Variants in CTSO observed in about 807,000 individuals in gnomAD.
The protein encoded by CTSO is cathepsin O.
CTSO carries 40 observed loss-of-function variants against 42.4 expected under a neutral mutation model. That is an observed-to-expected ratio of 0.94 (90% confidence interval 0.73 to 1.23). CTSO has a LOEUF of 1.23. CTSO is among the 50% of genes most tolerant of loss of function. The pLI is 0.00. For synonymous variants in CTSO, 156 were observed against 146.2 expected (o/e 1.07, Z -0.48); for missense variants, 441 against 396.0 (o/e 1.11, Z -0.96).
At chr4:155,932,001 T>C (rs1265533464) in intron 5 of CTSO, among the ~76,000 whole-genome samples, 11 of 152,070 alleles carry the variant, frequency 7.2e-5, no homozygotes, top group Admixed American at 7.2e-4. Flanking sequence ...GAATTCAGTG[T>C]GTTATACTGT....
chr4:155,947,682 G>A (rs1176892064), intron 1 of CTSO, among the ~76,000 whole-genome samples: 1 of 151,840 alleles, frequency 6.6e-6, no homozygotes, highest in Admixed American at 6.6e-5. Context: ...TGACTTTTCC[G>A]GTCTCTCTTG....
At chr4:155,941,214 T>C (rs1288656617) in intron 3 of CTSO, among the ~76,000 whole-genome samples, 1 of 152,224 alleles carries the variant, frequency 6.6e-6, no homozygotes, top group Non-Finnish European at 1.5e-5. Context: ...TGTTGAGGTT[T>C]CCACTGCAGA....
chr4:155,935,256 CTG>C (rs1491453469), intron 5 of CTSO, among the ~76,000 whole-genome samples: 1 of 152,168 alleles, frequency 6.6e-6, no homozygotes, highest in Non-Finnish European at 1.5e-5. Flanking sequence ...CCATGTGGAA[CTG>C]TAAGTCCAAT....
chr4:155,940,638 T>C (rs534809155), intron 3 of CTSO, among the ~76,000 whole-genome samples: 1 of 151,564 alleles, frequency 6.6e-6, no homozygotes, highest in South Asian at 2.1e-4. Flanking sequence ...AGGTCAGGAG[T>C]TCAAGACCAG....
intron 5 of CTSO, among the ~76,000 whole-genome samples, chr4:155,931,580 C>T (rs529108720): frequency 4.6e-5 from 7 of 152,164 alleles, no homozygotes; most frequent in Admixed American, 3.9e-4. Context: ...TATCATTTGT[C>T]TTTCAGAAAG....
chr4:155,933,427 A>G (rs11725291), intron 5 of CTSO, among the ~76,000 whole-genome samples: 20,690 of 152,118 alleles, frequency 0.14, 1,657 homozygotes, highest in Non-Finnish European at 0.19. Context: ...GCAGCATGAA[A>G]ATGGACTCAT....
At chr4:155,953,438 T>C (rs992554757) in intron 1 of CTSO, among the ~76,000 whole-genome samples, 1 of 152,180 alleles carries the variant, frequency 6.6e-6, no homozygotes, top group African/African-American at 2.4e-5. Flanking sequence ...TATCTATGGA[T>C]TTATTTGGGT....
chr4:155,936,215 G>A (rs17033811), intron 5 of CTSO, among the ~76,000 whole-genome samples: 47,721 of 151,880 alleles, frequency 0.31, 7,740 homozygotes, highest in Middle Eastern at 0.49. Context: ...AATCCTACAT[G>A]GTCTGCCAGC....
In CTSO at chr4:155,927,774, CA is replaced by C. The variant is rs369768589; in HGVS notation, c.931+561del. Among the ~76,000 whole-genome samples the C allele has an allele frequency of 1.1e-3, 154 of 141,162 alleles. 1 individual carries two copies. The highest frequency in any genetic ancestry group is 1.1e-3 in the Non-Finnish European group (73 of 64,468). The allele number at this position is 141,162 out of a possible 152,430, so 92.6% of individuals were successfully genotyped here. A position where few individuals can be genotyped will look rare whatever the true frequency, so the allele number is the denominator to read the frequency against. On this transcript the variant is annotated intron_variant, in intron 7 of 7. Transcript: ENST00000433477. Reference sequence around the variant, plus strand: ...TGGGAGACAGAGCGAGACTCTATCTCAAAAAAAAAAAAGTTGTCACTCAATA... The same window carrying C: ...TGGGAGACAGAGCGAGACTCTATCTCAAAAAAAAAAAGTTGTCACTCAATA...
intron 1 of CTSO, among the ~76,000 whole-genome samples, chr4:155,949,302 G>A (rs374269139): frequency 1.3e-5 from 2 of 152,146 alleles, no homozygotes; most frequent in Admixed American, 6.5e-5. Context: ...CTACTGAAGC[G>A]TTATAAACTT....
chr4:155,940,968 G>T (rs1027595694), intron 3 of CTSO, among the ~76,000 whole-genome samples: 1 of 149,432 alleles, frequency 6.7e-6, no homozygotes, highest in African/African-American at 2.5e-5. Context: ...TTTAATTAAA[G>T]ATCTCTAATT....
intron 5 of CTSO, among the ~76,000 whole-genome samples, chr4:155,932,540 A>T (rs555354998): frequency 1.3e-5 from 2 of 152,204 alleles, no homozygotes; most frequent in African/African-American, 4.8e-5. Context: ...GAGATCCTGC[A>T]GTTCTTTCCC....
rs540279025 is a variant in CTSO, at chr4:155,940,419, G to A, written c.385-881C>T. On this transcript the variant is annotated intron_variant, in intron 3 of 7. Coordinates refer to ENST00000433477, the MANE Select transcript of CTSO (RefSeq NM_001334.3). ...CCAAAAAAAAAAAGGAATGACAATT[G>A]GATATCTTTGCAGAGTTAAGTTTTG... Among the ~76,000 whole-genome samples, 62 of 151,754 alleles carry A rather than the reference G, an allele frequency of 4.1e-4. 1 individual carries two copies. In the East Asian group the frequency reaches 0.012, roughly 29 times the overall value.
intron 3 of CTSO, among the ~76,000 whole-genome samples, chr4:155,940,798 G>A (rs1214203550): frequency 1.3e-5 from 2 of 151,138 alleles, no homozygotes; most frequent in Middle Eastern, 6.4e-3. Flanking sequence ...AGCCGAGATC[G>A]CATCACTGCA....
At chr4:155,938,621 T>A (rs1036502079) in intron 4 of CTSO, among the ~76,000 whole-genome samples, 55 of 152,006 alleles carry the variant, frequency 3.6e-4, no homozygotes, top group Admixed American at 3.6e-3. Flanking sequence ...AGGCTTCATT[T>A]CTTCATCTAT....
intron 5 of CTSO, among the ~76,000 whole-genome samples, chr4:155,932,142 C>T (rs1173911195): frequency 3.3e-5 from 5 of 152,058 alleles, no homozygotes; most frequent in African/African-American, 1.2e-4. Flanking sequence ...TCATGAAGAA[C>T]CCTGGGTGGG....
intron 5 of CTSO, among the ~76,000 whole-genome samples, chr4:155,933,347 C>T (rs960015772): frequency 1.6e-4 from 25 of 152,142 alleles, no homozygotes; most frequent in African/African-American, 6.0e-4. Flanking sequence ...ATTCTGAGGC[C>T]TCCCTAGCCA....
intron 1 of CTSO, among the ~76,000 whole-genome samples, chr4:155,943,848 C>G (rs1328803578): frequency 6.6e-6 from 1 of 152,168 alleles, no homozygotes; most frequent in Non-Finnish European, 1.5e-5. Flanking sequence ...CCTGGTTTCT[C>G]TATCTGGAGG....
chr4:155,941,836 TG>T (rs1398218109), intron 3 of CTSO, among the ~76,000 whole-genome samples: 2 of 152,218 alleles, frequency 1.3e-5, no homozygotes, highest in Non-Finnish European at 2.9e-5. Flanking sequence ...TGACAGAGCT[TG>T]CAAGATGAGG....
Sources: gnomAD v4.1 joint callset for allele counts (sites outside exome capture counted in the v4.1 genomes callset) on GRCh38, gnomAD v4.1.1 for gene constraint, MANE v1.5 for transcripts, NCBI Gene and HGNC (gene_info 2026-07-23, HGNC 2026-07-21) for gene names.